ELMO2: variants seen among roughly 807,000 people sequenced by gnomAD.
The protein encoded by ELMO2 is engulfment and cell motility 2.
A neutral mutation model predicts 96.2 loss-of-function variants in ELMO2; 37 were observed. The observed-to-expected ratio is 0.38, with a 90% CI of 0.30 to 0.51. The LOEUF is 0.51. Among genes scored for constraint, ELMO2 ranks in the 20% least tolerant of loss-of-function variants. The pLI is 0.88. For synonymous variants in ELMO2, 315 were observed against 329.4 expected (o/e 0.96, Z 0.47); for missense variants, 561 against 912.6 (o/e 0.61, Z 4.96).
intron 4 of ELMO2, 97 bp downstream of exon 4, chr20:46,393,952 C>T (rs1266647814): frequency 1.3e-6 from 2 of 1,548,248 alleles, no homozygotes; most frequent in East Asian, 2.3e-5. Context: ...TGAGGACCTG[C>T]CTAACTGGAG....
At chr20:46,377,871 A>C (rs2059891792) in intron 11 of ELMO2, among the ~76,000 whole-genome samples, 4 of 145,934 alleles carry the variant, frequency 2.7e-5, no homozygotes, top group East Asian at 2.0e-4. Context: ...CTTCCTTCCC[A>C]CTCCCCCCAG....
At chr20:46,390,888 C>T (rs552159740) in intron 6 of ELMO2, 2 of 152,386 alleles carry the variant, frequency 1.3e-5, no homozygotes, top group Admixed American at 6.5e-5. Context: ...CAGAAGCCCT[C>T]GCTATCTCTA....
chr20:46,393,916 G>T, intron 4 of ELMO2, 133 bp downstream of exon 4: 1 of 1,228,598 alleles, frequency 8.1e-7, no homozygotes, highest in Non-Finnish European at 1.2e-6. Flanking sequence ...TCCTTCCCAA[G>T]ACAATGATTC....
chr20:46,394,508 G>A lies in ELMO2; in HGVS notation c.-26C>T, dbSNP rs368127638. 4.1e-5 allele frequency: 66 copies of A among 1,612,944 alleles called. No homozygotes were observed. The highest frequency in any genetic ancestry group is 1.3e-4 in the East Asian group (6 of 44,894). On this transcript the variant is annotated 5_prime_UTR_variant, in exon 3 of 22. Transcript: ENST00000290246. ...CGTTCCCAATGGGCTCTAATTCTGCGAGACAAAAACACAGACACGGCTGCC... is the reference window on the plus strand; with the variant it reads ...CGTTCCCAATGGGCTCTAATTCTGCAAGACAAAAACACAGACACGGCTGCC...
chr20:46,372,661 A>T (rs1177151722), intron 16 of ELMO2, among the ~76,000 whole-genome samples: 3 of 152,180 alleles, frequency 2.0e-5, no homozygotes, highest in African/African-American at 4.8e-5. Flanking sequence ...TAGAAAGGCA[A>T]GCGCAGTTCT....
chr20:46,382,388 C>T (rs1333697955), intron 10 of ELMO2: 1 of 653,660 alleles, frequency 1.5e-6, no homozygotes, highest in African/African-American at 1.9e-5. Flanking sequence ...TTCTGGTCTT[C>T]CCTCTAGAAT....
At chr20:46,368,061 C>T (rs979644686) in intron 21 of ELMO2, among the ~76,000 whole-genome samples, 9 of 152,084 alleles carry the variant, frequency 5.9e-5, no homozygotes, top group Non-Finnish European at 8.8e-5. Context: ...AGGGGGTGAC[C>T]AGGAAGCCTT....
chr20:46,381,606 C>G (rs931490769), intron 10 of ELMO2, among the ~76,000 whole-genome samples: 2 of 152,166 alleles, frequency 1.3e-5, no homozygotes, highest in Non-Finnish European at 2.9e-5. Flanking sequence ...TTAAATCTTG[C>G]TGTGGACAAC....
At chr20:46,389,352 G>A (rs2145828402) in intron 6 of ELMO2, 132 bp from the exon 7 acceptor site, 3 of 870,200 alleles carry the variant, frequency 3.4e-6, no homozygotes, top group South Asian at 3.4e-5. Context: ...CAGCTTAGGA[G>A]TTGCTAAATA....
chr20:46,367,315 G>A lies in ELMO2; in HGVS notation c.*45C>T, dbSNP rs2059602083. On this transcript the variant is annotated 3_prime_UTR_variant, in exon 22 of 22. Coordinates refer to ENST00000290246, the MANE Select transcript of ELMO2 (RefSeq NM_133171.5). ...ACCAGAATGTAAGTGTTTCTCCTGGGCCCAAAATCCCTTCTCCTGGGTACC... is the reference window on the plus strand; with the variant it reads ...ACCAGAATGTAAGTGTTTCTCCTGGACCCAAAATCCCTTCTCCTGGGTACC... The A allele has an allele frequency of 1.4e-6, 2 of 1,411,918 alleles. No homozygotes were observed. Among genetic ancestry groups the A allele is most frequent in the Non-Finnish European group, 1.9e-6 (2 of 1,073,620 alleles). The allele number at this position is 1,411,918 out of a possible 1,614,324, so 87.5% of individuals were successfully genotyped here. A position where few individuals can be genotyped will look rare whatever the true frequency, so the allele number is the denominator to read the frequency against.
chr20:46,375,094 G>T lies in ELMO2; in HGVS notation c.1065+142C>A. 8.6e-7 allele frequency: 1 copy of T among 1,167,868 alleles called. No homozygotes were observed. The highest frequency in any genetic ancestry group is 1.5e-5 in the African/African-American group (1 of 65,006). The allele number at this position is 1,167,868 out of a possible 1,614,324, so 72.3% of individuals were successfully genotyped here. A position where few individuals can be genotyped will look rare whatever the true frequency, so the allele number is the denominator to read the frequency against. ...ACTCACCATCAACAAAGCAAAGCAA[G>T]CATTAAAGCTCCACCAGCTTCCTAA... is the stretch of plus-strand genomic sequence containing the variant. On this transcript the variant is annotated intron_variant, in intron 13 of 21. Coordinates refer to ENST00000290246, the MANE Select transcript of ELMO2 (RefSeq NM_133171.5). The surrounding 1 kb of genome is among the most constrained non-coding windows in gnomAD (Gnocchi z 4.6).
Position 46,375,728 on chromosome 20 carries a change from T to G in ELMO2, c.870A>C (p.Gln290His), listed in dbSNP as rs1201135584. 1 of 1,614,208 alleles carries G rather than the reference T, an allele frequency of 6.2e-7. No individual in the cohort carries two copies. The highest frequency in any genetic ancestry group is 1.7e-5 in the Admixed American group (1 of 60,026). The change falls in exon 12 of 22, where the codon CAA becomes CAC. Residue 290 changes from glutamine to histidine, a missense_variant. Coordinates refer to ENST00000290246, the MANE Select transcript of ELMO2 (RefSeq NM_133171.5). The surrounding 1 kb of genome is among the most constrained non-coding windows in gnomAD (Gnocchi z 4.6). ...CTTCCAGAAGGTTAAAGGTTAGGAC[T>G]TGAAGGACATATAGCTGATGGGCCA... Reference protein sequence around the residue: ...TEMAHQLYVLQVLTFNLLEER... With the variant: ...TEMAHQLYVLHVLTFNLLEER...
intron 1 of ELMO2, among the ~76,000 whole-genome samples, chr20:46,405,727 T>C (rs1383876067): frequency 1.3e-5 from 2 of 151,782 alleles, no homozygotes; most frequent in Non-Finnish European, 2.9e-5. Flanking sequence ...CTACTAAAAA[T>C]ACAAAAATTA....
rs183976056 is a variant in ELMO2 at position 46,383,033 on chromosome 20, T to C, written c.756+383A>G. On this transcript the variant is annotated intron_variant, in intron 10 of 21. Transcript: ENST00000290246. ...GCCATATTAGGCCTGTTGCCTGTTT[T>C]TGTAAATAAGATTTTATTGGAAGAC... Among the ~76,000 whole-genome samples the C allele has an allele frequency of 3.3e-5, 5 of 152,340 alleles. No homozygotes were observed. The East Asian group carries it at 9.6e-4, about 29-fold the overall frequency.
chr20:46,393,491 G>C, intron 5 of ELMO2, 38 bp downstream of exon 5: 1 of 1,604,078 alleles, frequency 6.2e-7, no homozygotes. Context: ...TTAATTCCAA[G>C]CAAGGCCCAT....
rs1452367651 is a variant in ELMO2, at chr20:46,375,431, AAC to A, written c.931-63_931-62del. 1 of 1,595,752 alleles carries A rather than the reference AAC, an allele frequency of 6.3e-7. No homozygotes were observed. The highest frequency in any genetic ancestry group is 1.3e-5 in the African/African-American group (1 of 74,502). On this transcript the variant is annotated intron_variant, in intron 12 of 21. Coordinates refer to ENST00000290246, the MANE Select transcript of ELMO2 (RefSeq NM_133171.5). The surrounding 1 kb of genome is among the most constrained non-coding windows in gnomAD (Gnocchi z 4.6). ...GCTAACCAAGGGAGCAAGGAAAAGA[AAC>A]AGTGGGTCAGGCTTTTCTGGGCCAA...
chr20:46,391,861 T>G (rs1265206589), intron 6 of ELMO2, among the ~76,000 whole-genome samples: 1 of 152,132 alleles, frequency 6.6e-6, no homozygotes, highest in South Asian at 2.1e-4. Context: ...TTTTGATTTG[T>G]GAAACACATG....
intron 20 of ELMO2, chr20:46,369,961 G>GGTGTGT (rs200632114): frequency 1.5e-3 from 77 of 50,260 alleles, no homozygotes; most frequent in African/African-American, 4.2e-3. Context: ...TGGGTATGGG[G>GGTGTGT]GTGTGTGTGT....
At chr20:46,405,931 G>C (rs2060430632) in intron 1 of ELMO2, among the ~76,000 whole-genome samples, 1 of 152,216 alleles carries the variant, frequency 6.6e-6, no homozygotes, top group Non-Finnish European at 1.5e-5. Flanking sequence ...CACGGTGCAA[G>C]GCCGACAGGA....
Sources: gnomAD v4.1 joint callset for allele counts (sites outside exome capture counted in the v4.1 genomes callset) on GRCh38, gnomAD v4.1.1 for gene constraint, Gnocchi (gnomAD v3.1) non-coding constraint, MANE v1.5 for transcripts, NCBI Gene and HGNC (gene_info 2026-07-23, HGNC 2026-07-21) for gene names.